Variants in TOP6BL observed in about 807,000 individuals in gnomAD.
TOP6BL encodes the protein type 2 DNA topoisomerase 6 subunit B-like.
chr11:66,744,887 G>A, the TOP6BL span: 2 of 1,283,860 alleles, frequency 1.6e-6, no homozygotes, highest in African/African-American at 3.1e-5. Context: ...TTCCCTGCGC[G>A]GCATGGAGGG....
At chr11:66,762,468 T>TTTTG in the TOP6BL span, 19 of 273,656 alleles carry the variant, frequency 6.9e-5, no homozygotes, top group Admixed American at 3.3e-4. Flanking sequence ...GAGTACCCTT[T>TTTTG]TTTGTTTGTT....
At chr11:66,747,900 A>T in the TOP6BL span, among the ~76,000 whole-genome samples, 2 of 152,160 alleles carry the variant, frequency 1.3e-5, no homozygotes, top group Admixed American at 6.6e-5. Flanking sequence ...GATTGCAGGC[A>T]TAAGCTACCG....
chr11:66,779,475 C>T, the TOP6BL span, among the ~76,000 whole-genome samples: 2 of 152,140 alleles, frequency 1.3e-5, no homozygotes. Flanking sequence ...CCATCTCACA[C>T]CAGTTAGAAT....
chr11:66,792,959 A>T, the TOP6BL span, among the ~76,000 whole-genome samples: 1 of 152,226 alleles, frequency 6.6e-6, no homozygotes, highest in Non-Finnish European at 1.5e-5. Flanking sequence ...CTAAAATTTT[A>T]AAAATGAAGG....
chr11:66,815,963 CT>C, the TOP6BL span: 1 of 1,290,644 alleles, frequency 7.7e-7, no homozygotes, highest in Non-Finnish European at 1.1e-6. Flanking sequence ...TTCTCAGATC[CT>C]TCTTTGTTCA....
At chr11:66,769,884 G>A in the TOP6BL span, among the ~76,000 whole-genome samples, 136 of 151,700 alleles carry the variant, frequency 9.0e-4, 1 homozygote, top group African/African-American at 3.2e-3. Flanking sequence ...GGGACTACAG[G>A]CGCCCACCAC....
At chr11:66,838,463 C>G in the TOP6BL span, 1 of 1,608,318 alleles carries the variant, frequency 6.2e-7, no homozygotes, top group South Asian at 1.1e-5. Context: ...TTTAGCTTTT[C>G]AAGTGAGCCC....
the TOP6BL span, among the ~76,000 whole-genome samples, chr11:66,764,337 A>G: frequency 6.6e-6 from 1 of 151,824 alleles, no homozygotes; most frequent in Non-Finnish European, 1.5e-5. Flanking sequence ...GCTCCTGTTA[A>G]TGTCTGTGAA....
At chr11:66,768,864 A>G in the TOP6BL span, among the ~76,000 whole-genome samples, 5 of 152,156 alleles carry the variant, frequency 3.3e-5, no homozygotes, top group Non-Finnish European at 1.5e-5. Context: ...GAGGAAAAGG[A>G]TAGCTCTTAT....
chr11:66,781,451 A>G, the TOP6BL span, among the ~76,000 whole-genome samples: 94 of 152,288 alleles, frequency 6.2e-4, no homozygotes, highest in African/African-American at 2.2e-3. Flanking sequence ...TCACTCATTA[A>G]GGCCGCCTTT....
the TOP6BL span, among the ~76,000 whole-genome samples, chr11:66,765,488 C>T: frequency 8.4e-4 from 128 of 152,130 alleles, no homozygotes; most frequent in Non-Finnish European, 2.6e-4. Flanking sequence ...TATTAACCTC[C>T]ACTCAATAAT....
At chr11:66,838,390 C>T in the TOP6BL span, 1 of 1,613,816 alleles carries the variant, frequency 6.2e-7, no homozygotes, top group Non-Finnish European at 8.5e-7. Context: ...AAAAAAAGGA[C>T]TCAGCCCAGG....
At chr11:66,767,406 T>TA in the TOP6BL span, among the ~76,000 whole-genome samples, 1 of 152,198 alleles carries the variant, frequency 6.6e-6, no homozygotes, top group Non-Finnish European at 1.5e-5. Flanking sequence ...ATTATGTCCT[T>TA]ATTCAAGTGA....
At chr11:66,822,928 C>T in the TOP6BL span, among the ~76,000 whole-genome samples, 1,631 of 151,232 alleles carry the variant, frequency 0.011, 37 homozygotes, top group African/African-American at 0.037. Context: ...CAACTGAGCC[C>T]GGGATGTTGA....
chr11:66,769,288 G>A, the TOP6BL span, among the ~76,000 whole-genome samples: 2 of 152,048 alleles, frequency 1.3e-5, no homozygotes, highest in Non-Finnish European at 2.9e-5. Flanking sequence ...AGAAAGAAAG[G>A]TTTAAATCTT....
At chr11:66,825,727 A>G in the TOP6BL span, among the ~76,000 whole-genome samples, 10 of 152,190 alleles carry the variant, frequency 6.6e-5, no homozygotes, top group Non-Finnish European at 1.5e-4. Context: ...AGACAGTGTC[A>G]AAGTGCATAG....
At chr11:66,813,046 T>C in the TOP6BL span, among the ~76,000 whole-genome samples, 1 of 152,156 alleles carries the variant, frequency 6.6e-6, no homozygotes, top group Non-Finnish European at 1.5e-5. Flanking sequence ...TTTTAGATAA[T>C]AGGTTTGGAG....
the TOP6BL span, among the ~76,000 whole-genome samples, chr11:66,840,277 A>G: frequency 6.6e-6 from 1 of 152,118 alleles, no homozygotes; most frequent in Non-Finnish European, 1.5e-5. Flanking sequence ...CATTCTTTAA[A>G]AAATCTACCC....
At chr11:66,753,596 C>T in the TOP6BL span, among the ~76,000 whole-genome samples, 24 of 150,592 alleles carry the variant, frequency 1.6e-4, no homozygotes, top group Non-Finnish European at 3.2e-4. Flanking sequence ...TTAGTAGAGA[C>T]GGGTTTTCAC....
Sources: allele counts gnomAD v4.1 joint callset (sites outside exome capture counted in the v4.1 genomes callset), GRCh38; gene constraint gnomAD v4.1.1; transcripts MANE v1.5; gene names NCBI Gene and HGNC (gene_info 2026-07-23, HGNC 2026-07-21).